The following GALNT17 variants were observed in gnomAD, a reference collection of about 807,000 sequenced individuals.
The protein encoded by GALNT17 is polypeptide N-acetylgalactosaminyltransferase 17.
In GALNT17, 29 loss-of-function variants were observed where a neutral mutation model predicts 63.7. The ratio of observed to expected loss-of-function variants is 0.46; its 90% CI spans 0.34 to 0.62. GALNT17 has a LOEUF of 0.62. Ranked by LOEUF, GALNT17 falls within the 20% of genes least tolerant of loss-of-function variation. The probability of loss-of-function intolerance (pLI) is 0.01; values close to 1 mark genes in which losing one functional copy is unlikely to be tolerated. For synonymous variants in GALNT17, 305 were observed against 318.3 expected (o/e 0.96, Z 0.45); for missense variants, 603 against 799.6 (o/e 0.75, Z 2.97).
chr7:71,387,583 C>T (rs1293619966), intron 2 of GALNT17, among the ~76,000 whole-genome samples: 1 of 152,112 alleles, frequency 6.6e-6, no homozygotes, highest in African/African-American at 2.4e-5. Flanking sequence ...ACGTCGGCCT[C>T]CCAAATTGCT....
chr7:71,334,573 C>A (rs886215843), intron 1 of GALNT17, among the ~76,000 whole-genome samples: 3 of 152,138 alleles, frequency 2.0e-5, no homozygotes, highest in Non-Finnish European at 2.9e-5. Context: ...AGTAATAAAA[C>A]CTCCCATAAC....
At chr7:71,374,543 C>T (rs1391576151) in intron 2 of GALNT17, among the ~76,000 whole-genome samples, 1 of 152,224 alleles carries the variant, frequency 6.6e-6, no homozygotes, top group African/African-American at 2.4e-5. Context: ...TCAAAGCAAG[C>T]TATGTGGCCA....
chr7:71,241,835 G>A (rs1017377517), intron 1 of GALNT17, among the ~76,000 whole-genome samples: 2 of 152,264 alleles, frequency 1.3e-5, no homozygotes, highest in Admixed American at 6.5e-5. Context: ...GCTGCAGTGA[G>A]CCATGATCAC....
intron 5 of GALNT17, among the ~76,000 whole-genome samples, chr7:71,466,811 C>T (rs916373231): frequency 9.9e-5 from 15 of 152,112 alleles, no homozygotes; most frequent in African/African-American, 3.4e-4. Context: ...CTGGAAACAC[C>T]CGTTTTGAGA....
chr7:71,573,613 C>G (rs767863747), intron 6 of GALNT17, among the ~76,000 whole-genome samples: 10 of 152,178 alleles, frequency 6.6e-5, no homozygotes, highest in Non-Finnish European at 1.5e-4. Flanking sequence ...GGATTACAGG[C>G]GTGAGCCACC....
rs566628587 is a variant in GALNT17 at position 71,245,122 on chromosome 7, G to A, written c.239-90428G>A. On this transcript the variant is annotated intron_variant, in intron 1 of 10. Transcript: ENST00000333538. Reference sequence around the variant, plus strand: ...TTTCTTGGCTCCTGGATAATAAGTGGTTGAAATAATTACGTTCTAAGTCTT... The same window carrying A: ...TTTCTTGGCTCCTGGATAATAAGTGATTGAAATAATTACGTTCTAAGTCTT... 3.3e-5 allele frequency among the ~76,000 whole-genome samples: 5 copies of A among 152,200 alleles called. No individual in the cohort carries two copies. The East Asian group carries it at 9.7e-4, about 29-fold the overall frequency.
At chr7:71,640,054 C>T (rs983264045) in intron 6 of GALNT17, among the ~76,000 whole-genome samples, 3 of 151,952 alleles carry the variant, frequency 2.0e-5, no homozygotes, top group Admixed American at 6.6e-5. Context: ...ATCAGGATGC[C>T]GACAAAATGA....
chr7:71,251,108 G>A (rs1295508395), intron 1 of GALNT17, among the ~76,000 whole-genome samples: 1 of 152,094 alleles, frequency 6.6e-6, no homozygotes. Flanking sequence ...ATGTTGGTGT[G>A]CTGCACCCAT....
chr7:71,643,584 A>C (rs536885899), intron 6 of GALNT17, among the ~76,000 whole-genome samples: 1 of 152,342 alleles, frequency 6.6e-6, no homozygotes, highest in Admixed American at 6.5e-5. Flanking sequence ...AGAGCAGAGA[A>C]ACATTGTGGC....
intron 5 of GALNT17, among the ~76,000 whole-genome samples, chr7:71,448,910 G>C (rs1787207152): frequency 6.6e-6 from 1 of 151,906 alleles, no homozygotes; most frequent in Non-Finnish European, 1.5e-5. Flanking sequence ...TAGCCAGTGG[G>C]GGTAATGACT....
intron 1 of GALNT17, among the ~76,000 whole-genome samples, chr7:71,209,080 T>C (rs1396051661): frequency 6.6e-6 from 1 of 152,156 alleles, no homozygotes; most frequent in Non-Finnish European, 1.5e-5. Flanking sequence ...AACAAATGAG[T>C]GTGGCTGTGT....
intron 2 of GALNT17, among the ~76,000 whole-genome samples, chr7:71,354,153 A>G (rs1792239708): frequency 6.6e-6 from 1 of 152,222 alleles, no homozygotes; most frequent in Non-Finnish European, 1.5e-5. Context: ...CCTACCTCCA[A>G]CATCAGGAAT....
At chr7:71,704,283 G>A (rs1791693080) in intron 9 of GALNT17, among the ~76,000 whole-genome samples, 2 of 152,036 alleles carry the variant, frequency 1.3e-5, no homozygotes, top group Non-Finnish European at 2.9e-5. Flanking sequence ...GCATCAAAAA[G>A]GATTAAATGC....
intron 1 of GALNT17, among the ~76,000 whole-genome samples, chr7:71,333,754 G>A (rs1316091672): frequency 2.6e-5 from 4 of 152,090 alleles, no homozygotes; most frequent in African/African-American, 9.7e-5. Context: ...GCCTCCCAAA[G>A]TGCTGGGATT....
chr7:71,350,909 G>A (rs563380700), intron 2 of GALNT17, among the ~76,000 whole-genome samples: 6 of 152,356 alleles, frequency 3.9e-5, no homozygotes, highest in African/African-American at 1.4e-4. Flanking sequence ...GGGAGGCCAA[G>A]GCTGGTGGAT....
chr7:71,245,001 C>T (rs949963681), intron 1 of GALNT17, among the ~76,000 whole-genome samples: 4 of 151,954 alleles, frequency 2.6e-5, no homozygotes, highest in Admixed American at 6.6e-5. Flanking sequence ...GGAAGGACCC[C>T]TAGGAAGAAA....
chr7:71,390,728 T>C (rs1225435575), intron 3 of GALNT17, among the ~76,000 whole-genome samples: 1 of 152,124 alleles, frequency 6.6e-6, no homozygotes, highest in Non-Finnish European at 1.5e-5. Flanking sequence ...TGTGGCCCCC[T>C]TCATCAGCCT....
At chr7:71,234,288 GTCTCAC>G (rs1789845550) in intron 1 of GALNT17, among the ~76,000 whole-genome samples, 4 of 152,258 alleles carry the variant, frequency 2.6e-5, no homozygotes, top group Admixed American at 2.6e-4. Flanking sequence ...TTGAGTCAGA[GTCTCAC>G]TCTGTCGCCC....
chr7:71,407,425 A>C (rs2116407014), intron 3 of GALNT17, among the ~76,000 whole-genome samples: 1 of 152,268 alleles, frequency 6.6e-6, no homozygotes. Context: ...AATATGAATC[A>C]GACCTTCAGC....
Sources: allele counts gnomAD v4.1 joint callset (sites outside exome capture counted in the v4.1 genomes callset), GRCh38; gene constraint gnomAD v4.1.1; transcripts MANE v1.5; gene names NCBI Gene and HGNC (gene_info 2026-07-23, HGNC 2026-07-21).